The following FOXJ3 variants were observed in gnomAD, a reference collection of about 807,000 sequenced individuals.
The protein encoded by FOXJ3 is forkhead box J3.
Under a neutral mutation model 76.1 loss-of-function variants are expected in FOXJ3, and 22 were observed. That is an observed-to-expected ratio of 0.29 (90% CI 0.21 to 0.41). FOXJ3 has a LOEUF of 0.41. Ranked by LOEUF, FOXJ3 falls within the 10% of genes least tolerant of loss-of-function variation. The probability of loss-of-function intolerance (pLI) is 1.00; values close to 1 mark genes in which losing one functional copy is unlikely to be tolerated. For synonymous variants in FOXJ3, 269 were observed against 261.2 expected (o/e 1.03, Z -0.29); for missense variants, 613 against 762.1 (o/e 0.80, Z 2.30).
intron 4 of FOXJ3, among the ~76,000 whole-genome samples, chr1:42,256,035 TAAG>T (rs1052307130): frequency 6.3e-4 from 96 of 152,026 alleles, no homozygotes; most frequent in African/African-American, 2.1e-3. Flanking sequence ...AAAAAGAAAT[TAAG>T]AAGAACATTT....
At chr1:42,293,928 C>A (rs927548317) in intron 2 of FOXJ3, among the ~76,000 whole-genome samples, 1 of 152,202 alleles carries the variant, frequency 6.6e-6, no homozygotes, top group Non-Finnish European at 1.5e-5. Flanking sequence ...ACTTATCCAT[C>A]AGGTTCTCAA....
chr1:42,287,852 T>G (rs890441935), intron 2 of FOXJ3, among the ~76,000 whole-genome samples: 11 of 152,028 alleles, frequency 7.2e-5, no homozygotes, highest in Non-Finnish European at 1.5e-5. Context: ...TAGTCCCAGC[T>G]ACCCAGAAGG....
At position 42,222,090 on chromosome 1, in the gene FOXJ3, GA is replaced by G. The variant is rs1285687053; in HGVS notation, c.528+5792del. Reference sequence around the variant, plus strand: ...AGAAGAAGAAGAAGAAGAAGAAGAAGAAGAAGAAGAAGAAGAAGAAATAAAA... The same window carrying G: ...AGAAGAAGAAGAAGAAGAAGAAGAAGAGAAGAAGAAGAAGAAGAAATAAAA... On this transcript the variant is annotated intron_variant, in intron 5 of 12. Coordinates refer to ENST00000361346, the MANE Select transcript of FOXJ3 (RefSeq NM_014947.5). Among the ~76,000 whole-genome samples, 62 of 144,300 alleles carry G rather than the reference GA, an allele frequency of 4.3e-4. 1 individual carries two copies. The East Asian group carries it at 0.011, about 26-fold the overall frequency. 94.7% of individuals were successfully genotyped at this position (144,300 alleles called of 152,430 possible). A position where few individuals can be genotyped will look rare whatever the true frequency, so the allele number is the denominator to read the frequency against.
At chr1:42,203,136 A>T (rs1007894478) in intron 6 of FOXJ3, among the ~76,000 whole-genome samples, 1 of 152,120 alleles carries the variant, frequency 6.6e-6, no homozygotes, top group African/African-American at 2.4e-5. Context: ...TATTAAATCC[A>T]TCTACTGGGT....
intron 4 of FOXJ3, among the ~76,000 whole-genome samples, chr1:42,240,131 T>C (rs1649017317): frequency 6.6e-6 from 1 of 152,228 alleles, no homozygotes; most frequent in Non-Finnish European, 1.5e-5. Flanking sequence ...AATACTTTGA[T>C]ATATATTTTG....
intron 5 of FOXJ3, among the ~76,000 whole-genome samples, chr1:42,213,285 G>C (rs1366212406): frequency 6.6e-6 from 1 of 151,962 alleles, no homozygotes; most frequent in African/African-American, 2.4e-5. Context: ...TACACTGGCT[G>C]AATGGATTTA....
chr1:42,219,759 C>G (rs1395870001), intron 5 of FOXJ3, among the ~76,000 whole-genome samples: 3 of 152,134 alleles, frequency 2.0e-5, no homozygotes, highest in Non-Finnish European at 4.4e-5. Flanking sequence ...AGACCTGTCT[C>G]TACAAAAATA....
intron 4 of FOXJ3, among the ~76,000 whole-genome samples, chr1:42,243,644 T>C (rs1439229815): frequency 6.6e-6 from 1 of 152,214 alleles, no homozygotes; most frequent in East Asian, 1.9e-4. Context: ...AAACAGACTT[T>C]AAGTCAAAAA....
intron 6 of FOXJ3, among the ~76,000 whole-genome samples, chr1:42,205,268 TGTA>T (rs1458539230): frequency 6.6e-6 from 1 of 152,190 alleles, no homozygotes; most frequent in Non-Finnish European, 1.5e-5. Context: ...ACCATCAAAA[TGTA>T]GCAAACAACC....
intron 2 of FOXJ3, among the ~76,000 whole-genome samples, chr1:42,302,138 ACGTGAGCAGG>A (rs1654190209): frequency 1.3e-5 from 2 of 152,190 alleles, no homozygotes; most frequent in East Asian, 3.9e-4. Flanking sequence ...TGTACTGGGC[ACGTGAGCAGG>A]CTTACTGCAT....
chr1:42,234,746 C>T (rs920678431), intron 4 of FOXJ3, among the ~76,000 whole-genome samples: 1 of 152,088 alleles, frequency 6.6e-6, no homozygotes, highest in African/African-American at 2.4e-5. Context: ...GCTGCCTGAC[C>T]GTTCCTCTGG....
intron 5 of FOXJ3, among the ~76,000 whole-genome samples, chr1:42,209,703 C>T (rs992667653): frequency 2.6e-5 from 4 of 152,214 alleles, no homozygotes; most frequent in African/African-American, 7.2e-5. Flanking sequence ...AGCAGCATCA[C>T]GACATGCTTT....
At position 42,326,659 on chromosome 1, in the gene FOXJ3, G is replaced by A. The variant is rs1007038099; in HGVS notation, c.-18+8400C>T. ...GTTTCCCTTAACTCCTGAATTCTAC[G>A]AAGACAAAGAATGCAGATTCAAGTA... is the stretch of plus-strand genomic sequence containing the variant. On this transcript the variant is annotated intron_variant, in intron 1 of 12. Transcript: ENST00000361346. Among the ~76,000 whole-genome samples, 18 of 152,032 alleles carry A rather than the reference G, an allele frequency of 1.2e-4. No homozygotes were observed. The South Asian group carries it at 1.5e-3, about 12-fold the overall frequency.
intron 1 of FOXJ3, among the ~76,000 whole-genome samples, chr1:42,315,192 T>C (rs900617246): frequency 2.0e-5 from 3 of 152,224 alleles, no homozygotes; most frequent in African/African-American, 7.2e-5. Context: ...GAGAGGAAGA[T>C]TGCAGATGGG....
intron 9 of FOXJ3, among the ~76,000 whole-genome samples, chr1:42,189,964 A>G (rs1011940801): frequency 6.6e-6 from 1 of 152,200 alleles, no homozygotes; most frequent in African/African-American, 2.4e-5. Flanking sequence ...TTCCAAGGCA[A>G]CCTTAGGAGA....
At chr1:42,245,935 C>T (rs1231911437) in intron 4 of FOXJ3, among the ~76,000 whole-genome samples, 3 of 152,118 alleles carry the variant, frequency 2.0e-5, no homozygotes, top group African/African-American at 7.2e-5. Context: ...CCCCAAAAAA[C>T]TCAATGGTCC....
At chr1:42,295,851 T>C (rs12033913) in intron 2 of FOXJ3, among the ~76,000 whole-genome samples, 33,791 of 152,108 alleles carry the variant, frequency 0.22, 4,679 homozygotes, top group East Asian at 0.35. Flanking sequence ...TATAGTGATT[T>C]ATTTTATTTT....
At chr1:42,181,705 A>G (rs774634605) in intron 12 of FOXJ3, among the ~76,000 whole-genome samples, 4 of 152,196 alleles carry the variant, frequency 2.6e-5, no homozygotes, top group Non-Finnish European at 5.9e-5. Context: ...TCACTCCTTG[A>G]GGCAGCCTCA....
chr1:42,234,175 T>C (rs1371665098), intron 4 of FOXJ3, among the ~76,000 whole-genome samples: 1 of 152,204 alleles, frequency 6.6e-6, no homozygotes, highest in East Asian at 1.9e-4. Flanking sequence ...ATACCCTTTC[T>C]TCCAGTTAAT....
Sources: allele counts gnomAD v4.1 joint callset (sites outside exome capture counted in the v4.1 genomes callset), GRCh38; gene constraint gnomAD v4.1.1; transcripts MANE v1.5; gene names NCBI Gene and HGNC (gene_info 2026-07-23, HGNC 2026-07-21).